Variants in STK3 observed in about 807,000 individuals in gnomAD.
STK3 encodes serine/threonine kinase 3.
Under a neutral mutation model 58.0 loss-of-function variants are expected in STK3, and 41 were observed. The ratio of observed to expected loss-of-function variants is 0.71; its 90% CI spans 0.55 to 0.92. STK3 has a LOEUF of 0.92. Ranked by LOEUF, STK3 falls within the 40% of genes least tolerant of loss-of-function variation. STK3 has a pLI of 0.00. For synonymous variants in STK3, 170 were observed against 191.0 expected (o/e 0.89, Z 0.91); for missense variants, 479 against 602.7 (o/e 0.79, Z 2.15).
intron 8 of STK3, among the ~76,000 whole-genome samples, chr8:98,559,030 A>T (rs1811809859): frequency 6.6e-6 from 1 of 152,104 alleles, no homozygotes; most frequent in South Asian, 2.1e-4. Flanking sequence ...GGCAACAAAA[A>T]ACAATCTCCC....
At chr8:98,673,719 C>T (rs1822991827) in intron 6 of STK3, among the ~76,000 whole-genome samples, 1 of 152,082 alleles carries the variant, frequency 6.6e-6, no homozygotes, top group Non-Finnish European at 1.5e-5. Context: ...GGCCACTGAA[C>T]TGTTCACTTT....
intron 1 of STK3, among the ~76,000 whole-genome samples, chr8:98,785,612 C>T (rs1255137310): frequency 6.6e-6 from 1 of 152,212 alleles, no homozygotes; most frequent in Non-Finnish European, 1.5e-5. Flanking sequence ...AATCAGCCCA[C>T]TGCCTGAGGC....
At chr8:98,639,037 T>A (rs1819822268) in intron 6 of STK3, among the ~76,000 whole-genome samples, 1 of 151,720 alleles carries the variant, frequency 6.6e-6, no homozygotes, top group South Asian at 2.1e-4. Flanking sequence ...CAACTACGCA[T>A]AAAGCTGTGA....
chr8:98,466,290 G>A (rs527759704), intron 10 of STK3, among the ~76,000 whole-genome samples: 1 of 152,258 alleles, frequency 6.6e-6, no homozygotes, highest in South Asian at 2.1e-4. Context: ...TTACTGGGTA[G>A]TCAAACCTCT....
rs530371373 is a variant in STK3, at chr8:98,833,929, AC to A, written c.110+49717del. 4.6e-5 allele frequency among the ~76,000 whole-genome samples: 7 copies of A among 152,194 alleles called. No individual in the cohort carries two copies. The East Asian group carries it at 1.4e-3, about 29-fold the overall frequency. On this transcript the variant is annotated intron_variant, in intron 3 of 12. Transcript: ENST00000523601. The stretch of plus-strand genomic sequence containing the variant: ...GGTTTAGAGTTGAGGCTGGGACTAG[AC>A]TTCCCTGAAGTTTATGGCAAAGAGA...
chr8:98,639,838 C>T (rs1010012816), intron 6 of STK3, among the ~76,000 whole-genome samples: 43 of 151,968 alleles, frequency 2.8e-4, no homozygotes, highest in South Asian at 2.1e-4. Flanking sequence ...TGGCCAGGCG[C>T]GGTGGCTCAC....
chr8:98,932,031 A>G (rs1176495729), intron 1 of STK3, among the ~76,000 whole-genome samples: 1 of 152,198 alleles, frequency 6.6e-6, no homozygotes, highest in East Asian at 1.9e-4. Flanking sequence ...AGATCAACGA[A>G]ATGCCTGGAT....
intron 6 of STK3, among the ~76,000 whole-genome samples, chr8:98,660,213 A>T (rs939377671): frequency 6.6e-6 from 1 of 152,094 alleles, no homozygotes. Flanking sequence ...TATCTAAAGT[A>T]GTTAAATTAT....
chr8:98,744,164 G>T (rs1468522090), intron 4 of STK3, among the ~76,000 whole-genome samples: 14 of 152,132 alleles, frequency 9.2e-5, no homozygotes, highest in African/African-American at 2.4e-4. Flanking sequence ...ATTGTGGAAG[G>T]CAGTGTGGCG....
chr8:98,816,104 AT>A (rs1204206906), intron 1 of STK3, among the ~76,000 whole-genome samples: 2 of 152,200 alleles, frequency 1.3e-5, no homozygotes, highest in African/African-American at 2.4e-5. Context: ...ACTGACCTAT[AT>A]TAAGCAATCA....
chr8:98,791,434 T>C (rs982303210), intron 1 of STK3, among the ~76,000 whole-genome samples: 3 of 152,170 alleles, frequency 2.0e-5, no homozygotes, highest in Non-Finnish European at 4.4e-5. Context: ...CCCATCAAAA[T>C]ACCACCATCA....
intron 4 of STK3, among the ~76,000 whole-genome samples, chr8:98,733,346 T>A (rs1828344707): frequency 6.6e-6 from 1 of 152,168 alleles, no homozygotes; most frequent in South Asian, 2.1e-4. Context: ...TAGCAGCAGG[T>A]GAGTGGCGGG....
intron 7 of STK3, among the ~76,000 whole-genome samples, chr8:98,581,823 C>T (rs1341273912): frequency 1.3e-5 from 2 of 151,850 alleles, no homozygotes; most frequent in Admixed American, 1.3e-4. Flanking sequence ...GCCTTCTTTC[C>T]ACCTTTTAGA....
chr8:98,583,883 C>A (rs937746242), intron 7 of STK3, among the ~76,000 whole-genome samples: 1 of 148,428 alleles, frequency 6.7e-6, no homozygotes, highest in Non-Finnish European at 1.5e-5. Context: ...GTAAGAGAGA[C>A]AGAGAGAAGA....
downstream of STK3, among the ~76,000 whole-genome samples, chr8:98,371,107 C>T (rs1290799802): frequency 6.6e-6 from 1 of 152,148 alleles, no homozygotes; most frequent in African/African-American, 2.4e-5. Context: ...AAACTTACTA[C>T]ATTGTTACAT....
chr8:98,794,861 A>G (rs1587641964), intron 1 of STK3, among the ~76,000 whole-genome samples: 1 of 151,574 alleles, frequency 6.6e-6, no homozygotes, highest in East Asian at 1.9e-4. Context: ...TGAGGTTGGG[A>G]GTTCGAGACC....
At chr8:98,524,527 AT>A (rs1449160689) in intron 10 of STK3, among the ~76,000 whole-genome samples, 1 of 152,110 alleles carries the variant, frequency 6.6e-6, no homozygotes, top group Admixed American at 6.5e-5. Context: ...TTTCACCCAT[AT>A]TTTTGCAGTT....
At position 98,520,079 on chromosome 8, in the gene STK3, A is replaced by G. The variant is rs144613994; in HGVS notation, c.1317+6663T>C. ...GCAAAACATTATCTACATGCTCTCT[A>G]TTTAACACTAAACAATCTGGATGTT... is the stretch of plus-strand genomic sequence containing the variant. On this transcript the variant is annotated intron_variant, in intron 10 of 10. Coordinates refer to ENST00000419617, the MANE Select transcript of STK3 (RefSeq NM_006281.4). Among the ~76,000 whole-genome samples, 74 of 152,276 alleles carry G rather than the reference A, an allele frequency of 4.9e-4. No homozygotes were observed. The East Asian group carries it at 0.011, about 22-fold the overall frequency.
rs1564093483 is a variant in STK3 at position 98,903,537 on chromosome 8, TCTTCTTCTTCTTCTTCTTCC to T, written c.-78-19723_-78-19704del. ...TTCTTCTTCTTCTTCTTCTTCTTCT[TCTTCTTCTTCTTCTTCTTCC>T]TTTTTTTTTTTTTAAGTGGGGCCTT... On this transcript the variant is annotated intron_variant, in intron 1 of 1. Coordinates refer to the STK3 transcript ENST00000519420. Among the ~76,000 whole-genome samples the T allele has an allele frequency of 2.9e-3, 108 of 36,842 alleles. 1 individual carries two copies. Among genetic ancestry groups the T allele is most frequent in the African/African-American group, 5.6e-3 (40 of 7,164 alleles). 24.2% of individuals were successfully genotyped at this position (36,842 alleles called of 152,430 possible). A position where few individuals can be genotyped will look rare whatever the true frequency, so the allele number is the denominator to read the frequency against.
Sources: gnomAD v4.1 joint callset for allele counts (sites outside exome capture counted in the v4.1 genomes callset) on GRCh38, gnomAD v4.1.1 for gene constraint, MANE v1.5 for transcripts, NCBI Gene and HGNC (gene_info 2026-07-23, HGNC 2026-07-21) for gene names.